The following RHOBTB1 variants were observed in gnomAD, a reference collection of about 807,000 sequenced individuals.
RHOBTB1 encodes rho-related BTB domain-containing protein 1.
A neutral mutation model predicts 71.6 loss-of-function variants in RHOBTB1; 40 were observed. The observed-to-expected ratio is 0.56, with a 90% confidence interval of 0.43 to 0.73. RHOBTB1 has a LOEUF of 0.73. RHOBTB1 is among the 30% of genes least tolerant of loss of function. The pLI is 0.00. For synonymous variants in RHOBTB1, 319 were observed against 334.9 expected, an observed-to-expected ratio of 0.95 and a Z score of 0.52; for missense variants, 797 against 894.0, an observed-to-expected ratio of 0.89 and a Z score of 1.38.
At chr10:60,906,095 C>T (rs2082662821) in intron 4 of RHOBTB1, among the ~76,000 whole-genome samples, 1 of 152,130 alleles carries the variant, frequency 6.6e-6, no homozygotes, top group Non-Finnish European at 1.5e-5. Flanking sequence ...AAATCAGTGT[C>T]TAAGAATAAA....
intron 2 of RHOBTB1, among the ~76,000 whole-genome samples, chr10:60,915,977 T>G (rs553973935): frequency 6.6e-6 from 1 of 152,312 alleles, no homozygotes; most frequent in South Asian, 2.1e-4. Context: ...AGAAACATTT[T>G]GCCTCTGAAA....
chr10:60,957,857 A>G (rs1197970966), intron 2 of RHOBTB1, among the ~76,000 whole-genome samples: 1 of 152,166 alleles, frequency 6.6e-6, no homozygotes, highest in Non-Finnish European at 1.5e-5. Context: ...AAGCTGAGGT[A>G]TGGGAGGTTA....
At chr10:60,994,819 C>T (rs2086992541) in intron 1 of RHOBTB1, among the ~76,000 whole-genome samples, 1 of 151,862 alleles carries the variant, frequency 6.6e-6, no homozygotes, top group Non-Finnish European at 1.5e-5. Flanking sequence ...AGTTTATGAG[C>T]CAAGTAAATT....
At chr10:61,000,863 C>T (rs930187010) in intron 1 of RHOBTB1, among the ~76,000 whole-genome samples, 1 of 152,112 alleles carries the variant, frequency 6.6e-6, no homozygotes, top group African/African-American at 2.4e-5. Flanking sequence ...CCGGGGCTTT[C>T]ACGGCTAACA....
At chr10:60,905,221 C>T (rs377217989) in intron 4 of RHOBTB1, among the ~76,000 whole-genome samples, 21 of 151,566 alleles carry the variant, frequency 1.4e-4, no homozygotes, top group African/African-American at 3.4e-4. Context: ...GAAGCCAAGG[C>T]GGGCAGATCA....
At chr10:60,881,077 T>C (rs1187363512) in intron 7 of RHOBTB1, among the ~76,000 whole-genome samples, 1 of 152,170 alleles carries the variant, frequency 6.6e-6, no homozygotes, top group Non-Finnish European at 1.5e-5. Flanking sequence ...CCCAGACTAT[T>C]CTAGTGATAG....
intron 2 of RHOBTB1, among the ~76,000 whole-genome samples, chr10:60,933,994 A>T (rs1045758097): frequency 6.6e-6 from 1 of 152,162 alleles, no homozygotes; most frequent in Admixed American, 6.5e-5. Context: ...TTTTTATAGG[A>T]TAGGATTATA....
chr10:60,884,490 T>G (rs1225313888), intron 7 of RHOBTB1, among the ~76,000 whole-genome samples: 1 of 152,170 alleles, frequency 6.6e-6, no homozygotes, highest in Non-Finnish European at 1.5e-5. Context: ...GAATTGAATT[T>G]TTTTCTTTTC....
intron 2 of RHOBTB1, among the ~76,000 whole-genome samples, chr10:60,919,992 T>C (rs2083467496): frequency 6.6e-6 from 1 of 152,212 alleles, no homozygotes; most frequent in African/African-American, 2.4e-5. Flanking sequence ...AGGGCAGATT[T>C]CAAAACCACC....
intron 2 of RHOBTB1, among the ~76,000 whole-genome samples, chr10:60,969,616 C>T (rs763041915): frequency 2.1e-4 from 32 of 152,076 alleles, no homozygotes; most frequent in Admixed American, 5.9e-4. Context: ...GATTTTCTAT[C>T]AATCAGAACA....
At chr10:60,882,987 G>A (rs1235844223) in intron 7 of RHOBTB1, among the ~76,000 whole-genome samples, 1 of 152,120 alleles carries the variant, frequency 6.6e-6, no homozygotes, top group Non-Finnish European at 1.5e-5. Context: ...TTTGACAAAG[G>A]TTTTCTTGTT....
chr10:60,982,989 C>T (rs10821864), intron 2 of RHOBTB1, among the ~76,000 whole-genome samples: 3 of 151,752 alleles, frequency 2.0e-5, no homozygotes, highest in African/African-American at 4.9e-5. Flanking sequence ...GTCTTTTAAT[C>T]GACAGATTAA....
chr10:60,974,343 A>G lies in RHOBTB1; in HGVS notation c.-62+11502T>C, dbSNP rs77208962. ...ACTAAATCAAGAGATATAAATAGAC[A>G]TGAAAGACAACTATCAAACTGCTTG... On this transcript the variant is annotated intron_variant, in intron 2 of 11. Transcript: ENST00000357917. Among the ~76,000 whole-genome samples, 974 of 152,244 alleles carry G rather than the reference A, an allele frequency of 6.4e-3. 6 individuals are homozygous for G. Among genetic ancestry groups the G allele is most frequent in the African/African-American group, 0.023 (942 of 41,552 alleles).
At chr10:60,995,316 A>C (rs1250001981) in intron 1 of RHOBTB1, among the ~76,000 whole-genome samples, 1 of 152,138 alleles carries the variant, frequency 6.6e-6, no homozygotes, top group East Asian at 1.9e-4. Flanking sequence ...CTATAGGAAG[A>C]AACTAAGGTG....
At chr10:60,942,706 C>G (rs962940479) in intron 1 of RHOBTB1, among the ~76,000 whole-genome samples, 2 of 152,154 alleles carry the variant, frequency 1.3e-5, no homozygotes, top group Non-Finnish European at 2.9e-5. Context: ...AAACGTAGTT[C>G]CAAATTTCTA....
At chr10:60,988,804 G>A (rs1021359195) in intron 1 of RHOBTB1, among the ~76,000 whole-genome samples, 1 of 151,984 alleles carries the variant, frequency 6.6e-6, no homozygotes, top group African/African-American at 2.4e-5. Flanking sequence ...CTCCTTCAGG[G>A]GTCTTCCTGA....
chr10:60,891,379 C>T (rs2132721268), intron 5 of RHOBTB1, among the ~76,000 whole-genome samples: 1 of 113,978 alleles, frequency 8.8e-6, no homozygotes, highest in South Asian at 3.0e-4. Flanking sequence ...CTTGCTCTGT[C>T]ACCTAGGCTG....
chr10:60,871,195 G>A lies in RHOBTB1; in HGVS notation c.*287C>T, dbSNP rs965466722. 1.7e-5 allele frequency: 5 copies of A among 287,400 alleles called. No homozygotes were observed. The highest frequency in any genetic ancestry group is 2.6e-5 in the Non-Finnish European group (4 of 156,414). 17.8% of individuals were successfully genotyped at this position (287,400 alleles called of 1,614,324 possible). A position where few individuals can be genotyped will look rare whatever the true frequency, so the allele number is the denominator to read the frequency against. Reference sequence around the variant, plus strand: ...TGAATTTTTTTTCTTTGTATAAAAAGAAACAAAATAACAGACTAAAGTTTA... The same window carrying A: ...TGAATTTTTTTTCTTTGTATAAAAAAAAACAAAATAACAGACTAAAGTTTA... On this transcript the variant is annotated 3_prime_UTR_variant, in exon 11 of 11. Transcript: ENST00000337910.
chr10:60,997,199 C>T (rs979246364), intron 1 of RHOBTB1, among the ~76,000 whole-genome samples: 2 of 151,896 alleles, frequency 1.3e-5, no homozygotes, highest in Non-Finnish European at 2.9e-5. Flanking sequence ...GAGTTCCTCC[C>T]GAAATATCTT....
Sources: allele counts gnomAD v4.1 joint callset (sites outside exome capture counted in the v4.1 genomes callset), GRCh38; gene constraint gnomAD v4.1.1; transcripts MANE v1.5; gene names NCBI Gene and HGNC (gene_info 2026-07-23, HGNC 2026-07-21).